FBXL17: variants seen among roughly 807,000 people sequenced by gnomAD.
FBXL17 encodes the protein F-box/LRR-repeat protein 17.
In FBXL17, 22 loss-of-function variants were observed where a neutral mutation model predicts 66.2. The ratio of observed to expected loss-of-function variants is 0.33; its 90% CI spans 0.24 to 0.47. The LOEUF (loss-of-function observed/expected upper bound fraction) is 0.47. Ranked by LOEUF, FBXL17 falls within the 20% of genes least tolerant of loss-of-function variation. FBXL17 has a pLI of 1.00. For synonymous variants in FBXL17, 474 were observed against 400.5 expected (o/e 1.18, Z -2.19); for missense variants, 878 against 948.2 (o/e 0.93, Z 0.97).
chr5:108,282,730 G>C (rs1757748720), intron 4 of FBXL17, among the ~76,000 whole-genome samples: 1 of 151,352 alleles, frequency 6.6e-6, no homozygotes, highest in Non-Finnish European at 1.5e-5. Flanking sequence ...ATCCCTGTTT[G>C]CTAAGATATA....
At chr5:108,319,637 T>G (rs1417135066) in intron 4 of FBXL17, among the ~76,000 whole-genome samples, 3 of 151,782 alleles carry the variant, frequency 2.0e-5, no homozygotes, top group Admixed American at 6.6e-5. Context: ...TAGGAATCGT[T>G]TATTTTAAAT....
intron 4 of FBXL17, among the ~76,000 whole-genome samples, chr5:108,329,713 C>T (rs1251891399): frequency 6.6e-6 from 1 of 152,076 alleles, no homozygotes; most frequent in East Asian, 1.9e-4. Context: ...TAACTTTAAT[C>T]TTCAAAATAT....
At chr5:107,885,776 C>T (rs555664719) in intron 7 of FBXL17, among the ~76,000 whole-genome samples, 3 of 151,996 alleles carry the variant, frequency 2.0e-5, no homozygotes, top group Non-Finnish European at 2.9e-5. Flanking sequence ...AAACCAGAAA[C>T]CACAAAATAC....
intron 6 of FBXL17, among the ~76,000 whole-genome samples, chr5:108,051,456 T>C (rs1246751724): frequency 6.6e-6 from 1 of 152,132 alleles, no homozygotes; most frequent in East Asian, 1.9e-4. Context: ...ATAAATGTAA[T>C]CCATCATCAC....
chr5:108,000,109 G>A (rs1342780682), intron 7 of FBXL17, among the ~76,000 whole-genome samples: 4 of 152,138 alleles, frequency 2.6e-5, no homozygotes, highest in African/African-American at 9.7e-5. Context: ...CTGTAAAATG[G>A]GATAATGCCT....
chr5:108,189,820 T>A (rs1447151692), intron 5 of FBXL17, among the ~76,000 whole-genome samples: 1 of 152,150 alleles, frequency 6.6e-6, no homozygotes, highest in African/African-American at 2.4e-5. Flanking sequence ...AAAAAGACTA[T>A]GAGAGCCTTC....
chr5:108,169,179 A>T (rs1580546575), intron 6 of FBXL17, among the ~76,000 whole-genome samples: 1 of 152,174 alleles, frequency 6.6e-6, no homozygotes, highest in East Asian at 1.9e-4. Flanking sequence ...ATCACACAAA[A>T]AAGCTCCTCT....
chr5:108,005,636 T>C (rs1753893990), intron 7 of FBXL17, among the ~76,000 whole-genome samples: 1 of 152,234 alleles, frequency 6.6e-6, no homozygotes, highest in South Asian at 2.1e-4. Context: ...CATGTTATTA[T>C]AAGCAACTAT....
intron 4 of FBXL17, among the ~76,000 whole-genome samples, chr5:108,234,880 G>GA (rs200048447): frequency 0.012 from 1,764 of 151,510 alleles, 35 homozygotes; most frequent in African/African-American, 0.04. Context: ...AATTAACAAA[G>GA]AAAAAAAAGT....
At chr5:108,273,272 T>C (rs1757349833) in intron 4 of FBXL17, among the ~76,000 whole-genome samples, 1 of 152,076 alleles carries the variant, frequency 6.6e-6, no homozygotes, top group Non-Finnish European at 1.5e-5. Flanking sequence ...CACACCAGCA[T>C]GGCACATGTA....
chr5:108,210,486 G>C (rs1754321223), intron 5 of FBXL17, among the ~76,000 whole-genome samples: 1 of 152,118 alleles, frequency 6.6e-6, no homozygotes, highest in Non-Finnish European at 1.5e-5. Context: ...CTTTAAATGT[G>C]TCCTAGAGAT....
At chr5:108,362,077 A>G (rs768140283) in intron 3 of FBXL17, among the ~76,000 whole-genome samples, 7 of 152,142 alleles carry the variant, frequency 4.6e-5, no homozygotes, top group Non-Finnish European at 5.9e-5. Context: ...TGGATCTGAT[A>G]GTTTAGGCTT....
intron 7 of FBXL17, among the ~76,000 whole-genome samples, chr5:107,886,079 C>T (rs1748959937): frequency 6.6e-6 from 1 of 152,108 alleles, no homozygotes; most frequent in Non-Finnish European, 1.5e-5. Flanking sequence ...ATTTAAGTCA[C>T]TTTGGAAACA....
At chr5:108,181,952 T>G (rs1353874267) in intron 6 of FBXL17, among the ~76,000 whole-genome samples, 1 of 152,080 alleles carries the variant, frequency 6.6e-6, no homozygotes. Flanking sequence ...AAAGAAATGG[T>G]CTAAATTTAA....
intron 4 of FBXL17, among the ~76,000 whole-genome samples, chr5:108,242,450 A>G (rs182688953): frequency 1.6e-3 from 244 of 151,886 alleles, no homozygotes; most frequent in Middle Eastern, 3.4e-3. Context: ...TCAAAGTCCT[A>G]ATCTCAAGCA....
Position 108,035,132 on chromosome 5 carries a change from T to C in FBXL17, c.1746-14131A>G, listed in dbSNP as rs114491044. Among the ~76,000 whole-genome samples, 979 of 152,320 alleles carry C rather than the reference T, an allele frequency of 6.4e-3. 11 individuals carry two copies. The highest frequency in any genetic ancestry group is 0.023 in the African/African-American group (942 of 41,578). On this transcript the variant is annotated intron_variant, in intron 6 of 8. Transcript: ENST00000542267. ...GTGTAGTTATGTACCTTTATAGTTATGTACCTTTATAAATAGTTATGTTTA... is the reference window on the plus strand; with the variant it reads ...GTGTAGTTATGTACCTTTATAGTTACGTACCTTTATAAATAGTTATGTTTA...
At chr5:108,135,474 G>A (rs970377712) in intron 6 of FBXL17, among the ~76,000 whole-genome samples, 3 of 152,042 alleles carry the variant, frequency 2.0e-5, no homozygotes, top group Admixed American at 6.6e-5. Flanking sequence ...ATGAAACCAC[G>A]TTTATAATAG....
At chr5:108,047,116 A>G (rs1356059125) in intron 6 of FBXL17, among the ~76,000 whole-genome samples, 8 of 152,192 alleles carry the variant, frequency 5.3e-5, no homozygotes, top group Admixed American at 3.9e-4. Flanking sequence ...CAACCAAGGT[A>G]TCAAGGTTCT....
chr5:107,889,290 T>C (rs1749113838), intron 7 of FBXL17, among the ~76,000 whole-genome samples: 1 of 152,198 alleles, frequency 6.6e-6, no homozygotes, highest in African/African-American at 2.4e-5. Context: ...GACGTGAAAC[T>C]TAAGTAAATT....
Sources: gnomAD v4.1 joint callset for allele counts (sites outside exome capture counted in the v4.1 genomes callset) on GRCh38, gnomAD v4.1.1 for gene constraint, MANE v1.5 for transcripts, NCBI Gene and HGNC (gene_info 2026-07-23, HGNC 2026-07-21) for gene names.